ENPP6: variants seen among roughly 807,000 people sequenced by gnomAD.
ENPP6 encodes ectonucleotide pyrophosphatase/phosphodiesterase 6.
A neutral mutation model predicts 42.0 loss-of-function variants in ENPP6; 32 were observed. The ratio of observed to expected loss-of-function variants is 0.76; its 90% CI spans 0.58 to 1.02. The LOEUF (loss-of-function observed/expected upper bound fraction) is 1.02, where lower values mean the gene tolerates loss of function less well. Ranked by LOEUF, ENPP6 falls within the 50% of genes least tolerant of loss-of-function variation. The pLI is 0.00. For missense variants in ENPP6, 552 were observed against 566.8 expected (o/e 0.97, Z 0.27); for synonymous variants, 213 against 216.0 (o/e 0.99, Z 0.12).
At chr4:184,091,771 G>A (rs1368619292) in intron 7 of ENPP6, among the ~76,000 whole-genome samples, 1 of 152,088 alleles carries the variant, frequency 6.6e-6, no homozygotes, top group East Asian at 1.9e-4. Context: ...AGGCATGGTG[G>A]TGTGCTCCCA....
At chr4:184,156,400 G>T (rs1737159678) in intron 1 of ENPP6, among the ~76,000 whole-genome samples, 2 of 152,246 alleles carry the variant, frequency 1.3e-5, no homozygotes, top group Non-Finnish European at 2.9e-5. Context: ...CGGTAAAATT[G>T]GTGGCTGAAA....
At chr4:184,214,361 T>C (rs1430009647) in intron 1 of ENPP6, among the ~76,000 whole-genome samples, 2 of 152,140 alleles carry the variant, frequency 1.3e-5, no homozygotes, top group Non-Finnish European at 2.9e-5. Flanking sequence ...TTGAGGCAAA[T>C]AAATAATCAG....
rs182131256 is a variant in ENPP6, at chr4:184,215,536, G to A, written c.241+2043C>T. Among the ~76,000 whole-genome samples, 9 of 152,230 alleles carry A rather than the reference G, an allele frequency of 5.9e-5. No homozygotes were observed. In the East Asian group the frequency reaches 1.2e-3, roughly 20 times the overall value. On this transcript the variant is annotated intron_variant, in intron 1 of 7. Transcript: ENST00000296741. ...CATGGCCTGGCATTTCCCAGCCTGC[G>A]AATTCTGCTTCAAGTCTGCAAGTCT...
chr4:184,208,664 G>C (rs1197190122), intron 1 of ENPP6, among the ~76,000 whole-genome samples: 2 of 149,438 alleles, frequency 1.3e-5, no homozygotes, highest in African/African-American at 5.0e-5. Flanking sequence ...GGCTGGGGGA[G>C]GGGCGCCCGC....
At chr4:184,096,777 C>G (rs1018416140) in intron 7 of ENPP6, among the ~76,000 whole-genome samples, 2 of 152,154 alleles carry the variant, frequency 1.3e-5, no homozygotes, top group African/African-American at 4.8e-5. Flanking sequence ...CACATCCCAG[C>G]TTCTGGCTGG....
intron 2 of ENPP6, among the ~76,000 whole-genome samples, chr4:184,131,169 CTT>C (rs1296842445): frequency 1.7e-5 from 1 of 57,408 alleles, no homozygotes; most frequent in East Asian, 4.1e-4. Flanking sequence ...TTCTTTCTTT[CTT>C]TCTTTCTTTC....
intron 2 of ENPP6, among the ~76,000 whole-genome samples, chr4:184,143,710 G>T (rs142506213): frequency 6.6e-6 from 1 of 152,234 alleles, no homozygotes; most frequent in South Asian, 2.1e-4. Context: ...AGCCCAGTGC[G>T]GGGTCTGCAG....
intron 6 of ENPP6, among the ~76,000 whole-genome samples, chr4:184,106,343 A>G (rs1736092437): frequency 6.6e-6 from 1 of 152,134 alleles, no homozygotes; most frequent in South Asian, 2.1e-4. Context: ...CCACAAAAAT[A>G]CCAAGTCTTA....
At position 184,088,907 on chromosome 4, in the gene ENPP6, A is replaced by G. The variant is rs917061831; in HGVS notation, c.*2270T>C. The G allele has an allele frequency of 1.3e-5, 2 of 152,230 alleles. No individual in the cohort carries two copies. Among genetic ancestry groups the G allele is most frequent in the Non-Finnish European group, 2.9e-5 (2 of 68,048 alleles). The allele number at this position is 152,230 out of a possible 1,614,324, so 9.4% of individuals were successfully genotyped here. A position where few individuals can be genotyped will look rare whatever the true frequency, so the allele number is the denominator to read the frequency against. ...ACGAGTGAAGGAGGAAAATGGCAGA[A>G]GAGTTCAGGAAAGACAAAAATGCAA... is the stretch of plus-strand genomic sequence containing the variant. On this transcript the variant is annotated 3_prime_UTR_variant, in exon 8 of 8. Coordinates refer to ENST00000296741, the MANE Select transcript of ENPP6 (RefSeq NM_153343.4).
At chr4:184,204,529 G>T (rs754435271) in intron 1 of ENPP6, among the ~76,000 whole-genome samples, 1 of 152,060 alleles carries the variant, frequency 6.6e-6, no homozygotes, top group Non-Finnish European at 1.5e-5. Context: ...GTGGCTGTTG[G>T]CTCCACTTTC....
At chr4:184,158,879 T>G (rs1388181349) in intron 1 of ENPP6, among the ~76,000 whole-genome samples, 3 of 152,248 alleles carry the variant, frequency 2.0e-5, no homozygotes, top group Non-Finnish European at 4.4e-5. Context: ...GTCCTTGGGC[T>G]GCATACCTAG....
intron 1 of ENPP6, among the ~76,000 whole-genome samples, chr4:184,190,354 T>C (rs1006931669): frequency 7.2e-5 from 11 of 152,234 alleles, no homozygotes; most frequent in Admixed American, 6.5e-4. Context: ...GCTTTGTGCT[T>C]CTAGAACTTA....
chr4:184,159,010 C>T (rs1737219200), intron 1 of ENPP6, among the ~76,000 whole-genome samples: 1 of 152,150 alleles, frequency 6.6e-6, no homozygotes, highest in Non-Finnish European at 1.5e-5. Flanking sequence ...TTTCTGCCAT[C>T]CTCCATGCAT....
At chr4:184,168,936 C>T (rs1560999670) in intron 1 of ENPP6, among the ~76,000 whole-genome samples, 1 of 152,070 alleles carries the variant, frequency 6.6e-6, no homozygotes, top group Non-Finnish European at 1.5e-5. Flanking sequence ...ACCCTCCTAA[C>T]CCTTGTTGTG....
intron 1 of ENPP6, among the ~76,000 whole-genome samples, chr4:184,215,694 A>G (rs532210881): frequency 6.6e-6 from 1 of 152,296 alleles, no homozygotes; most frequent in African/African-American, 2.4e-5. Context: ...CAGTGAATAC[A>G]TTTGGCCATC....
intron 6 of ENPP6, among the ~76,000 whole-genome samples, chr4:184,101,443 C>T (rs990175185): frequency 4.6e-5 from 7 of 151,798 alleles, no homozygotes; most frequent in African/African-American, 1.5e-4. Flanking sequence ...TCCAAGGGTC[C>T]TGCAGTGACA....
At chr4:184,092,104 A>C (rs903377920) in intron 7 of ENPP6, among the ~76,000 whole-genome samples, 6 of 152,130 alleles carry the variant, frequency 3.9e-5, no homozygotes, top group Non-Finnish European at 5.9e-5. Flanking sequence ...CAGAACATCT[A>C]TCTAGCCCGG....
chr4:184,127,223 C>T (rs1482909615), intron 2 of ENPP6, among the ~76,000 whole-genome samples: 1 of 151,862 alleles, frequency 6.6e-6, no homozygotes, highest in African/African-American at 2.4e-5. Flanking sequence ...AAACTCATGT[C>T]ATTTGTGAAT....
intron 2 of ENPP6, among the ~76,000 whole-genome samples, chr4:184,151,907 C>G (rs1737056567): frequency 6.6e-6 from 1 of 152,222 alleles, no homozygotes; most frequent in Non-Finnish European, 1.5e-5. Context: ...GAAAAGTTAT[C>G]TCCTTGTAAG....
Sources: gnomAD v4.1 joint callset for allele counts (sites outside exome capture counted in the v4.1 genomes callset) on GRCh38, gnomAD v4.1.1 for gene constraint, MANE v1.5 for transcripts, NCBI Gene and HGNC (gene_info 2026-07-23, HGNC 2026-07-21) for gene names.